The following CMTM4 variants were observed in gnomAD, a reference collection of about 807,000 sequenced individuals.
CMTM4 encodes the protein CKLF like MARVEL transmembrane domain containing 4, also known as CKLF-like MARVEL transmembrane domain-containing protein 4.
In CMTM4, 8 loss-of-function variants were observed where a neutral mutation model predicts 19.0. That is an observed-to-expected ratio of 0.42 (90% CI 0.25 to 0.76). The LOEUF (loss-of-function observed/expected upper bound fraction) is 0.76. Ranked by LOEUF, CMTM4 falls within the 30% of genes least tolerant of loss-of-function variation. The pLI, the probability that CMTM4 is intolerant of heterozygous loss-of-function variation, is 0.27. For synonymous variants in CMTM4, 106 were observed against 121.1 expected, an observed-to-expected ratio of 0.88 and a Z score of 0.82; for missense variants, 228 against 290.2, an observed-to-expected ratio of 0.79 and a Z score of 1.56.
In CMTM4 at chr16:66,658,477, T is replaced by C. The variant is rs1266486125; in HGVS notation, c.187-21896A>G. Among the ~76,000 whole-genome samples, 3 of 152,314 alleles carry C rather than the reference T, an allele frequency of 2.0e-5. No homozygotes were observed. In the East Asian group the frequency reaches 5.8e-4, roughly 29 times the overall value. On this transcript the variant is annotated intron_variant, in intron 1 of 3. Transcript: ENST00000394106. ...CTCCACCAAAGCTTTCTGTGGCTCTTTCTTCAGCCCAAACCAGTTTTATCG... is the reference window on the plus strand; with the variant it reads ...CTCCACCAAAGCTTTCTGTGGCTCTCTCTTCAGCCCAAACCAGTTTTATCG...
the CMTM4 span, among the ~76,000 whole-genome samples, chr16:66,601,678 T>C: frequency 6.6e-6 from 1 of 152,202 alleles, no homozygotes. Flanking sequence ...CTGCTGCCAT[T>C]CATGAAGCCC....
At chr16:66,645,136 T>A (rs914027103) in intron 1 of CMTM4, among the ~76,000 whole-genome samples, 20 of 151,414 alleles carry the variant, frequency 1.3e-4, no homozygotes, top group Admixed American at 2.0e-4. Context: ...ATACAAAAAT[T>A]ATCTGGGCAT....
intron 1 of CMTM4, among the ~76,000 whole-genome samples, chr16:66,680,757 G>C (rs1252776923): frequency 2.9e-4 from 31 of 107,848 alleles, no homozygotes; most frequent in Non-Finnish European, 4.9e-4. Flanking sequence ...CTGGGCAACA[G>C]AGCAAGACTC....
intron 2 of CMTM4, among the ~76,000 whole-genome samples, chr16:66,630,301 T>TC (rs1237016310): frequency 8.2e-4 from 15 of 18,276 alleles, no homozygotes; most frequent in African/African-American, 3.2e-3. Context: ...CCTCTCCCCC[T>TC]CCCCCTCACC....
chr16:66,686,402 A>T (rs2017032958), intron 1 of CMTM4, among the ~76,000 whole-genome samples: 1 of 150,832 alleles, frequency 6.6e-6, no homozygotes, highest in South Asian at 2.1e-4. Flanking sequence ...CTCTACAAAA[A>T]ATACAAAAAT....
At chr16:66,683,135 A>ATATATACGTG (rs2016949412) in intron 1 of CMTM4, among the ~76,000 whole-genome samples, 2 of 135,570 alleles carry the variant, frequency 1.5e-5, no homozygotes, top group African/African-American at 5.4e-5. Context: ...GTGTGTATAT[A>ATATATACGTG]TATATATATA....
rs770378981 is a variant in CMTM4 at position 66,622,273 on chromosome 16, A to G, written c.463-51T>C. The G allele has an allele frequency of 2.8e-5, 44 of 1,592,016 alleles. No homozygotes were observed. Among genetic ancestry groups the G allele is most frequent in the African/African-American group, 4.0e-5 (3 of 74,738 alleles). On this transcript the variant is annotated intron_variant, in intron 3 of 3. Transcript: ENST00000394106. The surrounding 1 kb of genome is among the most constrained non-coding windows in gnomAD (Gnocchi z 4.0). ...CCTCGGGCACGTGGCCTGGCCCCTC[A>G]AGGCTTCTGTGGTGACCCAAGCCAC...
chr16:66,687,682 ATTTTTTTTT>A (rs1176777153), intron 1 of CMTM4, among the ~76,000 whole-genome samples: 3 of 93,296 alleles, frequency 3.2e-5, no homozygotes, highest in Non-Finnish European at 4.6e-5. Flanking sequence ...AAAAAGGGTA[ATTTTTTTTT>A]TTTTTTTTTT....
At chr16:66,683,174 T>TAA (rs1349914004) in intron 1 of CMTM4, among the ~76,000 whole-genome samples, 2 of 83,648 alleles carry the variant, frequency 2.4e-5, no homozygotes, top group East Asian at 5.5e-4. Context: ...TATATATATA[T>TAA]ACATATGTAT....
intron 1 of CMTM4, among the ~76,000 whole-genome samples, chr16:66,662,968 G>C (rs763345330): frequency 6.6e-6 from 1 of 152,128 alleles, no homozygotes; most frequent in Non-Finnish European, 1.5e-5. Flanking sequence ...TGAACTATGG[G>C]ATAGCTCACC....
At chr16:66,638,525 G>C (rs2016039892) in intron 1 of CMTM4, among the ~76,000 whole-genome samples, 1 of 152,206 alleles carries the variant, frequency 6.6e-6, no homozygotes. Context: ...GTACAACATG[G>C]TGACTTAGTC....
intron 1 of CMTM4, among the ~76,000 whole-genome samples, chr16:66,683,617 CTGT>C (rs2016982208): frequency 6.6e-6 from 1 of 151,908 alleles, no homozygotes; most frequent in African/African-American, 2.4e-5. Context: ...ATACATTCAA[CTGT>C]CTATTCAACA....
the CMTM4 span, chr16:66,604,740 C>T: frequency 8.5e-7 from 1 of 1,175,850 alleles, no homozygotes; most frequent in South Asian, 4.0e-5. Flanking sequence ...GCCCGGGTTT[C>T]CGCTTCCCTC....
intron 1 of CMTM4, among the ~76,000 whole-genome samples, chr16:66,640,384 T>C (rs1596922414): frequency 6.6e-6 from 1 of 152,128 alleles, no homozygotes; most frequent in South Asian, 2.1e-4. Context: ...GCCGAACATA[T>C]AAGGGACAGC....
At chr16:66,609,667 C>CCT in the CMTM4 span, 4 of 1,529,188 alleles carry the variant, frequency 2.6e-6, no homozygotes, top group Non-Finnish European at 3.5e-6. The surrounding 1 kb of genome is among the most constrained non-coding windows in gnomAD (Gnocchi z 4.4). Flanking sequence ...ATTCCAAAGT[C>CCT]CTCTCATTAA....
Position 66,619,443 on chromosome 16 carries a change from A to G in CMTM4, c.*2615T>C, listed in dbSNP as rs2015588013. ...AATATCGTCCCACCAGAACACTGAG[A>G]AAAACTAAGGTCGCTCAGCCTTCAA... is the stretch of plus-strand genomic sequence containing the variant. On this transcript the variant is annotated 3_prime_UTR_variant, in exon 4 of 4. Coordinates refer to ENST00000394106, the MANE Select transcript of CMTM4 (RefSeq NM_181521.3). 1.0e-6 allele frequency: 1 copy of G among 985,368 alleles called. No homozygotes were observed. The highest frequency in any genetic ancestry group is 1.2e-6 in the Non-Finnish European group (1 of 829,954). 61.0% of individuals were successfully genotyped at this position (985,368 alleles called of 1,614,324 possible). A position where few individuals can be genotyped will look rare whatever the true frequency, so the allele number is the denominator to read the frequency against.
At chr16:66,688,976 A>T (rs935786640) in intron 1 of CMTM4, among the ~76,000 whole-genome samples, 3 of 152,194 alleles carry the variant, frequency 2.0e-5, no homozygotes, top group Non-Finnish European at 4.4e-5. Context: ...ACTATTGGTT[A>T]TCGTGTGTTG....
At chr16:66,601,926 G>C in the CMTM4 span, among the ~76,000 whole-genome samples, 1 of 152,140 alleles carries the variant, frequency 6.6e-6, no homozygotes, top group African/African-American at 2.4e-5. Context: ...CTGCAGTTTG[G>C]GTAGCTGCAG....
intron 1 of CMTM4, among the ~76,000 whole-genome samples, chr16:66,646,626 T>C (rs2016206744): frequency 6.6e-6 from 1 of 152,140 alleles, no homozygotes; most frequent in Non-Finnish European, 1.5e-5. Context: ...GTATGGACAC[T>C]TTTTTGAAAC....
Sources: gnomAD v4.1 joint callset for allele counts (sites outside exome capture counted in the v4.1 genomes callset) on GRCh38, gnomAD v4.1.1 for gene constraint, Gnocchi (gnomAD v3.1) non-coding constraint, MANE v1.5 for transcripts, NCBI Gene and HGNC (gene_info 2026-07-23, HGNC 2026-07-21) for gene names.